The following VEGFC variants were observed in gnomAD, a reference collection of about 807,000 sequenced individuals.
The protein encoded by VEGFC is vascular endothelial growth factor C.
A neutral mutation model predicts 46.1 loss-of-function variants in VEGFC; 12 were observed. The observed-to-expected ratio is 0.26, with a 90% CI of 0.17 to 0.42. The LOEUF is 0.42. VEGFC is among the 10% of genes least tolerant of loss of function. The pLI, the probability that VEGFC is intolerant of heterozygous loss-of-function variation, is 1.00. For synonymous variants in VEGFC, 232 were observed against 195.5 expected, an observed-to-expected ratio of 1.19 and a Z score of -1.56; for missense variants, 488 against 529.4, an observed-to-expected ratio of 0.92 and a Z score of 0.77.
intron 4 of VEGFC, among the ~76,000 whole-genome samples, chr4:176,689,052 T>C (rs1012016256): frequency 1.3e-5 from 2 of 152,188 alleles, no homozygotes; most frequent in African/African-American, 4.8e-5. Context: ...AATATGCTAA[T>C]TTACAGGATA....
rs527435900 is a variant in VEGFC at position 176,693,955 on chromosome 4, G to A, written c.705-6028C>T. The stretch of plus-strand genomic sequence containing the variant: ...GAGAGATTTTGTCACCACCAGGCCT[G>A]CCCTAAAAGAGCTCCTGAAGGAAGC... On this transcript the variant is annotated intron_variant, in intron 4 of 6. Coordinates refer to ENST00000618562, the MANE Select transcript of VEGFC (RefSeq NM_005429.5). Among the ~76,000 whole-genome samples, 250 of 151,760 alleles carry A rather than the reference G, an allele frequency of 1.6e-3. 1 individual carries two copies. The highest frequency in any genetic ancestry group is 5.7e-3 in the African/African-American group (235 of 41,194).
At position 176,782,756 on chromosome 4, in the gene VEGFC, A is replaced by G. The variant is rs537022081; in HGVS notation, c.147+9409T>C. On this transcript the variant is annotated intron_variant, in intron 1 of 6. Transcript: ENST00000618562. ...ATTATCTAATTTTTAATGTACTTAC[A>G]TACTACCTGAGGGTCTATTTAGTGT... 4.6e-5 allele frequency among the ~76,000 whole-genome samples: 7 copies of G among 152,330 alleles called. No homozygotes were observed. The South Asian group carries it at 1.4e-3, about 32-fold the overall frequency.
intron 4 of VEGFC, among the ~76,000 whole-genome samples, chr4:176,702,973 T>A (rs1734460209): frequency 6.6e-6 from 1 of 152,092 alleles, no homozygotes; most frequent in African/African-American, 2.4e-5. Context: ...TAACTTAAAA[T>A]ACAAAACACT....
intron 4 of VEGFC, chr4:176,689,303 T>C (rs769274401): frequency 5.3e-5 from 8 of 152,184 alleles, no homozygotes; most frequent in Non-Finnish European, 1.2e-4. Context: ...ACATACTCAG[T>C]GTGACAATAC....
intron 4 of VEGFC, among the ~76,000 whole-genome samples, chr4:176,696,996 A>C (rs1352602504): frequency 6.6e-6 from 1 of 150,876 alleles, no homozygotes; most frequent in Non-Finnish European, 1.5e-5. Flanking sequence ...AGATGGATTA[A>C]AGACTTAAAC....
chr4:176,683,592 T>G lies in VEGFC; in HGVS notation c.*334A>C, dbSNP rs1733981608. On this transcript the variant is annotated 3_prime_UTR_variant, in exon 7 of 7. Coordinates refer to ENST00000618562, the MANE Select transcript of VEGFC (RefSeq NM_005429.5). Reference sequence around the variant, plus strand: ...CATATTTTGCATGATATAAAAATATTGATCACAGTGAGTTTTACCAATTGT... The same window carrying G: ...CATATTTTGCATGATATAAAAATATGGATCACAGTGAGTTTTACCAATTGT... 1 of 178,566 alleles carries G rather than the reference T, an allele frequency of 5.6e-6. No individual in the cohort carries two copies. The highest frequency in any genetic ancestry group is 1.7e-4 in the South Asian group (1 of 5,722). 11.1% of individuals were successfully genotyped at this position (178,566 alleles called of 1,614,324 possible). A position where few individuals can be genotyped will look rare whatever the true frequency, so the allele number is the denominator to read the frequency against.
At chr4:176,778,627 T>C (rs992330293) in intron 1 of VEGFC, among the ~76,000 whole-genome samples, 2 of 152,202 alleles carry the variant, frequency 1.3e-5, no homozygotes, top group Non-Finnish European at 2.9e-5. Context: ...GGCAAGTTAT[T>C]TTGTTGAACA....
rs1258796590 is a variant in VEGFC, at chr4:176,692,478, G to A, written c.705-4551C>T. Among the ~76,000 whole-genome samples, 2 of 134,580 alleles carry A rather than the reference G, an allele frequency of 1.5e-5. 1 individual carries two copies. The highest frequency in any genetic ancestry group is 3.0e-5 in the Non-Finnish European group (2 of 66,358). The allele number at this position is 134,580 out of a possible 152,430, so 88.3% of individuals were successfully genotyped here. ...CCCGCACCTGGCTCGAGGGTCCTAC[G>A]CCCACGGAGTCTCGCTGATTGCTAG... On this transcript the variant is annotated intron_variant, in intron 4 of 6. Transcript: ENST00000618562.
intron 4 of VEGFC, among the ~76,000 whole-genome samples, chr4:176,691,768 G>A (rs945638441): frequency 6.6e-6 from 1 of 152,002 alleles, no homozygotes; most frequent in Non-Finnish European, 1.5e-5. Context: ...TAAACGTTGG[G>A]TAATAATTAC....
intron 3 of VEGFC, among the ~76,000 whole-genome samples, chr4:176,722,493 T>TA (rs1734805180): frequency 6.7e-6 from 1 of 148,602 alleles, no homozygotes; most frequent in Non-Finnish European, 1.5e-5. Flanking sequence ...CTTTTGTTTT[T>TA]TTTTTGTTTT....
chr4:176,772,290 T>C (rs1735737129), intron 1 of VEGFC, among the ~76,000 whole-genome samples: 1 of 152,238 alleles, frequency 6.6e-6, no homozygotes, highest in Non-Finnish European at 1.5e-5. Context: ...TTCTCTGTTA[T>C]GCGATTTGAC....
At chr4:176,703,320 GCAT>G (rs1340084027) in intron 4 of VEGFC, among the ~76,000 whole-genome samples, 1 of 152,066 alleles carries the variant, frequency 6.6e-6, no homozygotes, top group Non-Finnish European at 1.5e-5. Flanking sequence ...CCTGTCATTT[GCAT>G]CAACATGGAG....
At chr4:176,694,241 C>A (rs1319361430) in intron 4 of VEGFC, among the ~76,000 whole-genome samples, 1 of 150,228 alleles carries the variant, frequency 6.7e-6, no homozygotes, top group African/African-American at 2.4e-5. Context: ...ACCCATCTCA[C>A]GTGCAGAGAC....
At position 176,729,653 on chromosome 4, in the gene VEGFC, A is replaced by G. The variant is rs1209681794; in HGVS notation, c.241T>C (p.Tyr81His). ...TVLYPEYWKM[Y>H]KCQLRKGGWQ... ...CCTCCTTTCCTTAGCTGACACTTGTACATTTTCCAATATTCTGGGTAGAGT... is the reference window on the plus strand; with the variant it reads ...CCTCCTTTCCTTAGCTGACACTTGTGCATTTTCCAATATTCTGGGTAGAGT... Residue 81 changes from tyrosine (Y) to histidine (H), a missense_variant, in exon 2 of 7, where the codon TAC becomes CAC. By Grantham distance (83) the Tyr-to-His change is moderately conservative (BLOSUM62 2). Coordinates refer to ENST00000618562, the MANE Select transcript of VEGFC (RefSeq NM_005429.5). The G allele has an allele frequency of 1.2e-6, 2 of 1,613,736 alleles. No individual in the cohort carries two copies. Among genetic ancestry groups the G allele is most frequent in the African/African-American group, 1.3e-5 (1 of 74,906 alleles).
intron 1 of VEGFC, among the ~76,000 whole-genome samples, chr4:176,738,720 A>T (rs1239548966): frequency 1.3e-5 from 2 of 152,114 alleles, no homozygotes; most frequent in Non-Finnish European, 2.9e-5. Flanking sequence ...ATTAAACTAA[A>T]GAGCTTCTTC....
intron 4 of VEGFC, among the ~76,000 whole-genome samples, chr4:176,692,560 G>A (rs1239519026): frequency 5.9e-5 from 8 of 134,556 alleles, no homozygotes; most frequent in South Asian, 2.1e-4. Flanking sequence ...AGGGACGCCC[G>A]CCATTGCCCA....
Position 176,683,781 on chromosome 4 carries a change from TAA to T in VEGFC, c.*143_*144del. On this transcript the variant is annotated 3_prime_UTR_variant, in exon 7 of 7. Transcript: ENST00000618562. ...GCAGATGAGCTCCAGTCCATTTCTG[TAA>T]AGTTATCCACATGGTTCAGGAAAGA... The T allele has an allele frequency of 1.6e-6, 1 of 615,448 alleles. No homozygotes were observed. The highest frequency in any genetic ancestry group is 3.8e-4 in the Middle Eastern group (1 of 2,666). 38.1% of individuals were successfully genotyped at this position (615,448 alleles called of 1,614,324 possible).
chr4:176,722,679 T>G (rs1734809011), intron 3 of VEGFC, among the ~76,000 whole-genome samples: 1 of 151,960 alleles, frequency 6.6e-6, no homozygotes, highest in Non-Finnish European at 1.5e-5. Flanking sequence ...TTATACTTTT[T>G]TGGGGAGACA....
At chr4:176,704,185 C>T (rs1395555088) in intron 4 of VEGFC, among the ~76,000 whole-genome samples, 1 of 152,104 alleles carries the variant, frequency 6.6e-6, no homozygotes, top group Non-Finnish European at 1.5e-5. Flanking sequence ...TCTTCTCAGT[C>T]TCCCGTACAG....
Sources: gnomAD v4.1 joint callset for allele counts (sites outside exome capture counted in the v4.1 genomes callset) on GRCh38, gnomAD v4.1.1 for gene constraint, MANE v1.5 for transcripts, NCBI Gene and HGNC (gene_info 2026-07-23, HGNC 2026-07-21) for gene names.